The following CDH17 variants were observed in gnomAD, a reference collection of about 807,000 sequenced individuals.
CDH17 encodes cadherin 17, also known as cadherin-17.
A neutral mutation model predicts 86.3 loss-of-function variants in CDH17; 67 were observed. The ratio of observed to expected loss-of-function variants is 0.78; its 90% confidence interval spans 0.64 to 0.95. The LOEUF is 0.95. Ranked by LOEUF, CDH17 falls within the 40% of genes least tolerant of loss-of-function variation. The pLI, the probability that CDH17 is intolerant of heterozygous loss-of-function variation, is 0.00. For synonymous variants in CDH17, 367 were observed against 366.4 expected, an observed-to-expected ratio of 1.00 and a Z score of -0.02; for missense variants, 993 against 1,017.6, an observed-to-expected ratio of 0.98 and a Z score of 0.33.
At position 94,131,005 on chromosome 8, in the gene CDH17, G is replaced by GA. The variant is rs113977006; in HGVS notation, c.2168-14dup. ...CGGGCATGAGTACCTGCCAGGACAG[G>GA]AAAAAAAAATGAAAATACAACTTCA... On this transcript the variant is annotated splice_polypyrimidine_tract_variant and intron_variant, in intron 15 of 17. Transcript: ENST00000027335. 6,813 of 1,330,166 alleles carry GA rather than the reference G, an allele frequency of 5.1e-3. 177 individuals carry two copies. In the African/African-American group the frequency reaches 0.078, roughly 15 times the overall value. 82.4% of individuals were successfully genotyped at this position (1,330,166 alleles called of 1,614,324 possible). A position where few individuals can be genotyped will look rare whatever the true frequency, so the allele number is the denominator to read the frequency against.
intron 3 of CDH17, among the ~76,000 whole-genome samples, chr8:94,188,175 C>A (rs536016669): frequency 3.9e-4 from 59 of 152,254 alleles, no homozygotes; most frequent in African/African-American, 1.2e-3. Context: ...GGTCATGGAA[C>A]CTACTCGCAT....
chr8:94,168,129 TA>T, intron 9 of CDH17, among the ~76,000 whole-genome samples: 1 of 100,466 alleles, frequency 1.0e-5, no homozygotes, highest in Non-Finnish European at 2.0e-5. Context: ...TATATATATA[TA>T]TATATATATA....
Position 94,170,567 on chromosome 8 carries a change from G to C in CDH17, c.916-20C>G. ...AACATACTACAACAGGAAAGTCAGA[G>C]TTAAGGCAAGACTCACCCACCACCC... On this transcript the variant is annotated intron_variant, in intron 8 of 17. Coordinates refer to ENST00000027335, the MANE Select transcript of CDH17 (RefSeq NM_004063.4). 6.2e-7 allele frequency: 1 copy of C among 1,612,262 alleles called. No homozygotes were observed. The highest frequency in any genetic ancestry group is 8.5e-7 in the Non-Finnish European group (1 of 1,178,868).
In CDH17 at chr8:94,173,836, C is replaced by T. The variant is rs779265315; in HGVS notation, c.744G>A (p.Val248=). 9.9e-6 allele frequency: 16 copies of T among 1,613,772 alleles called. No individual in the cohort carries two copies. In the Admixed American group the frequency reaches 2.2e-4, roughly 22 times the overall value. ...TGGGGTGAGGATCAGTTGAGTTTTCCACCATCTCCACAGGTTTTGGTGCTT... is the reference window on the plus strand; with the variant it reads ...TGGGGTGAGGATCAGTTGAGTTTTCTACCATCTCCACAGGTTTTGGTGCTT... ...IWKAPKPVEM[V]ENSTDPHPIK... is the part of the protein sequence containing the mutation. Residue 248 remains valine, a synonymous_variant, in exon 7 of 18, where the codon GTG becomes GTA. Coordinates refer to ENST00000027335, the MANE Select transcript of CDH17 (RefSeq NM_004063.4).
At chr8:94,136,149 G>A (rs1330043189) in intron 15 of CDH17, among the ~76,000 whole-genome samples, 16 of 151,994 alleles carry the variant, frequency 1.1e-4, no homozygotes, top group Admixed American at 2.0e-4. Flanking sequence ...TGCTCTTCTC[G>A]AGGAGTATCT....
rs181729022 is a variant in CDH17 at position 94,190,569 on chromosome 8, T to C, written c.52-1284A>G. On this transcript the variant is annotated intron_variant, in intron 2 of 17. Transcript: ENST00000027335. ...GGCACGACTTTGGGTCTCCCATTTG[T>C]GGAAATCAGGGGTGAAAGAGATTGA... Among the ~76,000 whole-genome samples, 336 of 152,284 alleles carry C rather than the reference T, an allele frequency of 2.2e-3. 1 individual carries two copies. Among genetic ancestry groups the C allele is most frequent in the African/African-American group, 7.8e-3 (323 of 41,570 alleles).
intron 10 of CDH17, among the ~76,000 whole-genome samples, chr8:94,163,581 C>A (rs917535996): frequency 6.6e-6 from 1 of 152,258 alleles, no homozygotes; most frequent in African/African-American, 2.4e-5. Flanking sequence ...CTGTGCTTCA[C>A]ACCTCCTGTT....
chr8:94,157,600 G>T (rs952048618), intron 12 of CDH17, among the ~76,000 whole-genome samples: 2 of 152,264 alleles, frequency 1.3e-5, no homozygotes, highest in Non-Finnish European at 2.9e-5. Context: ...AATTTTCTTG[G>T]TGATATGAGT....
At chr8:94,182,791 A>C (rs1456678267) in intron 3 of CDH17, among the ~76,000 whole-genome samples, 1 of 152,106 alleles carries the variant, frequency 6.6e-6, no homozygotes, top group African/African-American at 2.4e-5. Context: ...AAGAAATAAA[A>C]GGCATAAAGA....
At chr8:94,131,482 T>G (rs567707865) in intron 15 of CDH17, among the ~76,000 whole-genome samples, 8 of 152,354 alleles carry the variant, frequency 5.3e-5, no homozygotes, top group African/African-American at 1.4e-4. Context: ...ACAAAGCTTA[T>G]CAAACACACA....
chr8:94,180,806 A>G lies in CDH17; in HGVS notation c.151-3085T>C, dbSNP rs982439921. 4.6e-5 allele frequency among the ~76,000 whole-genome samples: 7 copies of G among 152,216 alleles called. No individual in the cohort carries two copies. In the South Asian group the frequency reaches 1.5e-3, roughly 32 times the overall value. On this transcript the variant is annotated intron_variant, in intron 3 of 17. Transcript: ENST00000027335. ...GCTACTTGGGAGGCTGAGGCAGGAGAATAGCGTGAACCCAGAAGGCGGAGC... is the reference window on the plus strand; with the variant it reads ...GCTACTTGGGAGGCTGAGGCAGGAGGATAGCGTGAACCCAGAAGGCGGAGC...
At chr8:94,211,691 T>G (rs1814124001), upstream of CDH17, among the ~76,000 whole-genome samples, 1 of 152,238 alleles carries the variant, frequency 6.6e-6, no homozygotes, top group Non-Finnish European at 1.5e-5. Context: ...CATTTTATGT[T>G]CTTTATGTGT....
At chr8:94,136,573 G>C (rs534149516) in intron 15 of CDH17, among the ~76,000 whole-genome samples, 1 of 152,084 alleles carries the variant, frequency 6.6e-6, no homozygotes, top group Non-Finnish European at 1.5e-5. Flanking sequence ...GCTTCCTTGC[G>C]TTGGGTTCAA....
intron 3 of CDH17, among the ~76,000 whole-genome samples, chr8:94,184,838 G>A (rs981711799): frequency 3.3e-5 from 5 of 152,160 alleles, no homozygotes; most frequent in Non-Finnish European, 5.9e-5. Context: ...CACAATGAAA[G>A]AAGTGTATGG....
intron 1 of CDH17, among the ~76,000 whole-genome samples, chr8:94,204,856 T>C (rs1813994814): frequency 6.6e-6 from 1 of 152,000 alleles, no homozygotes; most frequent in South Asian, 2.1e-4. Flanking sequence ...CAGCATTGAA[T>C]GGAAGGGGGG....
At chr8:94,200,441 A>G (rs1449895975) in intron 1 of CDH17, among the ~76,000 whole-genome samples, 1 of 151,696 alleles carries the variant, frequency 6.6e-6, no homozygotes, top group Admixed American at 6.6e-5. Context: ...TCCCTCAGAT[A>G]CAAGGACTAA....
chr8:94,134,560 A>G (rs1179376992), intron 15 of CDH17, among the ~76,000 whole-genome samples: 1 of 151,908 alleles, frequency 6.6e-6, no homozygotes, highest in Non-Finnish European at 1.5e-5. Flanking sequence ...CTTCTTTATT[A>G]GTCTTGCTAG....
chr8:94,148,588 C>T (rs1812793047), intron 14 of CDH17, among the ~76,000 whole-genome samples, 156 bp downstream of exon 14: 1 of 149,612 alleles, frequency 6.7e-6, no homozygotes. Flanking sequence ...TGAGCACTCC[C>T]TTATATTTTG....
rs921015556 is a variant in CDH17 at position 94,152,027 on chromosome 8, T to C, written c.1637A>G (p.Asn546Ser). 7 of 1,614,070 alleles carry C rather than the reference T, an allele frequency of 4.3e-6. No individual in the cohort carries two copies. In the South Asian group the frequency reaches 7.7e-5, roughly 18 times the overall value. ...CGTGAACTTGGCAAAAGAACTTGCA[T>C]TGTACTTCACACCAAACACTAGAGG... Reference protein sequence around the residue: ...PEPLVFGVKYNASSFAKFTLI... With the variant: ...PEPLVFGVKYSASSFAKFTLI... Residue 546 changes from asparagine (N) to serine (S), a missense_variant, in exon 13 of 18, where the codon AAT becomes AGT. Asn to Ser is a conservative substitution (Grantham distance 46). Transcript: ENST00000027335.
Sources: gnomAD v4.1 joint callset for allele counts (sites outside exome capture counted in the v4.1 genomes callset) on GRCh38, gnomAD v4.1.1 for gene constraint, MANE v1.5 for transcripts, NCBI Gene and HGNC (gene_info 2026-07-23, HGNC 2026-07-21) for gene names.